The following THADA variants were observed in gnomAD, a reference collection of about 807,000 sequenced individuals.
THADA encodes THADA armadillo repeat containing.
THADA carries 213 observed loss-of-function variants against 219.8 expected under a neutral mutation model. The observed-to-expected ratio is 0.97, with a 90% CI of 0.87 to 1.09. THADA has a LOEUF of 1.09. THADA is among the 50% of genes least tolerant of loss of function. The pLI is 0.00. For synonymous variants in THADA, 1,018 were observed against 828.9 expected (o/e 1.23, Z -3.92); for missense variants, 2,956 against 2,311.3 (o/e 1.28, Z -5.72).
chr2:43,483,668 A>G (rs7601093), intron 26 of THADA, among the ~76,000 whole-genome samples: 26,505 of 151,874 alleles, frequency 0.17, 3,344 homozygotes, highest in African/African-American at 0.35. Flanking sequence ...AAAATTGTAT[A>G]GTATCACTGC....
chr2:43,261,213 TTTC>T (rs1172452592), intron 36 of THADA, among the ~76,000 whole-genome samples: 10 of 140,048 alleles, frequency 7.1e-5, no homozygotes, highest in Non-Finnish European at 1.4e-4. Context: ...AATTTGTGCA[TTTC>T]TTTTTTTTTT....
intron 19 of THADA, among the ~76,000 whole-genome samples, chr2:43,550,619 A>C (rs1696637690): frequency 6.6e-6 from 1 of 152,176 alleles, no homozygotes; most frequent in Non-Finnish European, 1.5e-5. Context: ...TGTGGGGCAA[A>C]GACAGTTTTT....
At chr2:43,586,521 T>C (rs1259172680) in intron 6 of THADA, 72 bp from the exon 7 acceptor site, 2 of 1,401,612 alleles carry the variant, frequency 1.4e-6, no homozygotes, top group Non-Finnish European at 9.6e-7. Flanking sequence ...TAAAATATTT[T>C]ATATCACTGT....
chr2:43,343,630 T>C (rs1667299192), intron 30 of THADA: 1 of 152,534 alleles, frequency 6.6e-6, no homozygotes, highest in South Asian at 2.1e-4. Context: ...AAAATATGTT[T>C]CTATTCTTTT....
intron 26 of THADA, among the ~76,000 whole-genome samples, chr2:43,462,869 C>A (rs529424789): frequency 1.1e-4 from 17 of 152,266 alleles, no homozygotes; most frequent in Non-Finnish European, 2.4e-4. Flanking sequence ...TAAACACTCT[C>A]ACAGAGACTC....
intron 1 of THADA, among the ~76,000 whole-genome samples, chr2:43,595,029 T>C (rs1036210033): frequency 2.0e-5 from 3 of 152,272 alleles, no homozygotes; most frequent in Non-Finnish European, 4.4e-5. Context: ...TAATCTATTT[T>C]GTTCATGTTT....
In THADA at chr2:43,356,224, C is replaced by T. The variant is rs550781534; in HGVS notation, c.4228-11987G>A. ...ACAGTATTAAGACAATCAACCAGTCCTTTGGGAAATGATATAGTTGGATTC... is the reference window on the plus strand; with the variant it reads ...ACAGTATTAAGACAATCAACCAGTCTTTTGGGAAATGATATAGTTGGATTC... On this transcript the variant is annotated intron_variant, in intron 29 of 37. Transcript: ENST00000405975. Among the ~76,000 whole-genome samples the T allele has an allele frequency of 6.6e-5, 10 of 152,230 alleles. No homozygotes were observed. The South Asian group carries it at 1.9e-3, about 28-fold the overall frequency.
At chr2:43,490,724 C>T (rs571510434) in intron 25 of THADA, among the ~76,000 whole-genome samples, 18 of 152,120 alleles carry the variant, frequency 1.2e-4, no homozygotes, top group African/African-American at 4.3e-4. Context: ...TTATTATGGT[C>T]TATTGTTATA....
At chr2:43,527,841 G>T in intron 22 of THADA, 38 bp downstream of exon 22, 1 of 1,420,780 alleles carries the variant, frequency 7.0e-7, no homozygotes, top group Non-Finnish European at 9.9e-7. Flanking sequence ...TGTATATTTA[G>T]TCTTTTTAAA....
intron 20 of THADA, among the ~76,000 whole-genome samples, chr2:43,547,171 C>A (rs1696140616): frequency 6.6e-6 from 1 of 152,150 alleles, no homozygotes. Flanking sequence ...GTTGAAAATT[C>A]TTTTCTTTAA....
chr2:43,485,617 C>T (rs1686824579), intron 25 of THADA, among the ~76,000 whole-genome samples: 5 of 152,096 alleles, frequency 3.3e-5, no homozygotes, highest in Admixed American at 3.3e-4. Flanking sequence ...CATCAAATAA[C>T]ACTTTTCTAA....
chr2:43,548,132 C>G (rs1489167667), intron 20 of THADA, among the ~76,000 whole-genome samples: 2 of 152,180 alleles, frequency 1.3e-5, no homozygotes, highest in Admixed American at 6.5e-5. Flanking sequence ...GAGGTCCACT[C>G]CAGACCCTGT....
chr2:43,428,180 C>T lies in THADA; in HGVS notation c.3978G>A (p.Val1326=), dbSNP rs774288197. The T allele has an allele frequency of 5.8e-5, 94 of 1,608,894 alleles. No homozygotes were observed. The highest frequency in any genetic ancestry group is 7.6e-5 in the Non-Finnish European group (90 of 1,177,200). ...TCGGGGAAGCGTAGAGTCTCTCCAACACCAAAAGTAAGAGAAACATGCTTG... is the reference window on the plus strand; with the variant it reads ...TCGGGGAAGCGTAGAGTCTCTCCAATACCAAAAGTAAGAGAAACATGCTTG... The part of the protein sequence containing the change: ...RHPSMFLLLL[V]LERLYASPMD... Residue 1326 remains valine, a synonymous_variant, in exon 28 of 38, where the codon GTG becomes GTA. Coordinates refer to ENST00000405975, the MANE Select transcript of THADA (RefSeq NM_022065.5).
chr2:43,272,652 T>C (rs1672266011), intron 36 of THADA, among the ~76,000 whole-genome samples: 1 of 138,648 alleles, frequency 7.2e-6, no homozygotes, highest in Non-Finnish European at 1.5e-5. Flanking sequence ...TGAGACAAGG[T>C]CTCACTCTGT....
rs147212946 is a variant in THADA, at chr2:43,429,890, C to T, written c.3926+323G>A. Among the ~76,000 whole-genome samples, 19 of 150,366 alleles carry T rather than the reference C, an allele frequency of 1.3e-4. No individual in the cohort carries two copies. The East Asian group carries it at 2.3e-3, about 18-fold the overall frequency. On this transcript the variant is annotated intron_variant, in intron 27 of 37. Transcript: ENST00000405975. ...ATTTTATGCAAGGAAGCAGTCTGAC[C>T]GTGCACAGTGGCTCAAGCCTGTAAT...
chr2:43,439,733 C>T (rs186079635), intron 26 of THADA, among the ~76,000 whole-genome samples: 3 of 152,244 alleles, frequency 2.0e-5, no homozygotes, highest in Admixed American at 1.3e-4. Flanking sequence ...TACGGTTCAG[C>T]GTATCCATGG....
intron 21 of THADA, among the ~76,000 whole-genome samples, chr2:43,532,792 T>G (rs1281733241): frequency 6.6e-6 from 1 of 152,114 alleles, no homozygotes; most frequent in Non-Finnish European, 1.5e-5. Flanking sequence ...ATAAAAACCC[T>G]AGAAGAAAAC....
intron 9 of THADA, among the ~76,000 whole-genome samples, chr2:43,578,178 G>C (rs534718255): frequency 2.9e-4 from 44 of 150,674 alleles, no homozygotes; most frequent in Non-Finnish European, 4.3e-4. Context: ...TAAGAGACAA[G>C]GTCTCACTCT....
At chr2:43,271,517 TC>T (rs1424752997) in intron 36 of THADA, among the ~76,000 whole-genome samples, 1 of 151,900 alleles carries the variant, frequency 6.6e-6, no homozygotes, top group Non-Finnish European at 1.5e-5. Flanking sequence ...ATTCAATTGA[TC>T]ATCAAACAGT....
Sources: gnomAD v4.1 joint callset for allele counts (sites outside exome capture counted in the v4.1 genomes callset) on GRCh38, gnomAD v4.1.1 for gene constraint, MANE v1.5 for transcripts, NCBI Gene and HGNC (gene_info 2026-07-23, HGNC 2026-07-21) for gene names.